Variants in TMEM108 observed in about 807,000 individuals in gnomAD.
TMEM108 encodes the protein cancer/testis antigen 124.
In TMEM108, 12 loss-of-function variants were observed where a neutral mutation model predicts 35.1. The observed-to-expected ratio is 0.34, with a 90% CI of 0.22 to 0.55. The LOEUF (loss-of-function observed/expected upper bound fraction) is 0.55, where lower values mean the gene tolerates loss of function less well. Among genes scored for constraint, TMEM108 ranks in the 20% least tolerant of loss-of-function variants. The pLI is 0.89. For missense variants in TMEM108, 680 were observed against 753.3 expected (o/e 0.90, Z 1.14); for synonymous variants, 287 against 308.6 (o/e 0.93, Z 0.73).
chr3:133,164,209 T>C (rs997486748), intron 2 of TMEM108, among the ~76,000 whole-genome samples: 2 of 152,224 alleles, frequency 1.3e-5, no homozygotes, highest in East Asian at 1.9e-4. Context: ...AGAATACTTT[T>C]ATTAATCTCA....
chr3:133,328,326 G>A (rs563563531), intron 3 of TMEM108, among the ~76,000 whole-genome samples: 13 of 152,292 alleles, frequency 8.5e-5, no homozygotes, highest in African/African-American at 2.2e-4. Flanking sequence ...ATGAGGTATC[G>A]TTGGAAAAAA....
chr3:133,341,371 A>G (rs565047517), intron 3 of TMEM108, among the ~76,000 whole-genome samples: 1 of 151,952 alleles, frequency 6.6e-6, no homozygotes, highest in African/African-American at 2.4e-5. Context: ...AAACTATAAA[A>G]CATTAATGCA....
intron 2 of TMEM108, among the ~76,000 whole-genome samples, chr3:133,208,970 G>A (rs113130056): frequency 0.015 from 2,347 of 152,192 alleles, 76 homozygotes; most frequent in African/African-American, 0.051. Context: ...GTGGATGTTC[G>A]TGTCATTTTA....
At chr3:133,218,483 T>A (rs1159743018) in intron 2 of TMEM108, among the ~76,000 whole-genome samples, 1 of 152,028 alleles carries the variant, frequency 6.6e-6, no homozygotes, top group Non-Finnish European at 1.5e-5. Context: ...GTTCCTGATC[T>A]TAAAGGAAAA....
chr3:133,369,560 G>T (rs549139643), intron 3 of TMEM108, among the ~76,000 whole-genome samples: 1 of 152,182 alleles, frequency 6.6e-6, no homozygotes, highest in Admixed American at 6.5e-5. Context: ...TGTTCAGGTT[G>T]TTGTCTCTCT....
At chr3:133,232,140 C>A (rs1199769558) in intron 3 of TMEM108, among the ~76,000 whole-genome samples, 2 of 152,112 alleles carry the variant, frequency 1.3e-5, no homozygotes, top group Non-Finnish European at 1.5e-5. Flanking sequence ...TAGATGAGTG[C>A]TGGGGTTTGG....
At chr3:133,181,703 G>A (rs1171797116) in intron 2 of TMEM108, among the ~76,000 whole-genome samples, 1 of 152,082 alleles carries the variant, frequency 6.6e-6, no homozygotes, top group African/African-American at 2.4e-5. Context: ...TTTAGCAGAC[G>A]AGATTCAGAA....
At chr3:133,096,923 G>A (rs1378244309) in intron 2 of TMEM108, among the ~76,000 whole-genome samples, 2 of 152,206 alleles carry the variant, frequency 1.3e-5, no homozygotes, top group Admixed American at 1.3e-4. Flanking sequence ...GCCCCAAGAG[G>A]AAATGTCTTG....
chr3:133,078,673 G>A (rs987254704), intron 2 of TMEM108, among the ~76,000 whole-genome samples: 3 of 152,192 alleles, frequency 2.0e-5, no homozygotes, highest in Non-Finnish European at 2.9e-5. Flanking sequence ...AAATTGAGAT[G>A]TTTAACTGGA....
intron 3 of TMEM108, among the ~76,000 whole-genome samples, chr3:133,248,774 G>A (rs1946422771): frequency 6.6e-6 from 1 of 152,146 alleles, no homozygotes. Context: ...TGGTTAGCAG[G>A]CTCTGGTTGT....
At chr3:133,265,903 T>G (rs73860873) in intron 3 of TMEM108, among the ~76,000 whole-genome samples, 237 of 152,356 alleles carry the variant, frequency 1.6e-3, no homozygotes, top group African/African-American at 5.0e-3. Context: ...TTAAAAAGTT[T>G]ACCAAAGATA....
intron 3 of TMEM108, among the ~76,000 whole-genome samples, chr3:133,342,555 T>TATATATATATATATATATATATATAC (rs60991711): frequency 0.035 from 2,212 of 62,768 alleles, 135 homozygotes; most frequent in Non-Finnish European, 0.049. Context: ...TATATATATA[T>TATATATATATATATATATATATATAC]ACACACACAC....
intron 3 of TMEM108, among the ~76,000 whole-genome samples, chr3:133,251,260 C>T (rs149709804): frequency 6.6e-6 from 1 of 152,256 alleles, no homozygotes; most frequent in East Asian, 1.9e-4. Flanking sequence ...TTAAAACAAA[C>T]AAAATTTTAA....
chr3:133,178,456 C>G (rs1407086276), intron 2 of TMEM108, among the ~76,000 whole-genome samples: 1 of 152,016 alleles, frequency 6.6e-6, no homozygotes, highest in Non-Finnish European at 1.5e-5. Context: ...GGTACCAAAA[C>G]AGAGATATAG....
intron 3 of TMEM108, among the ~76,000 whole-genome samples, chr3:133,345,008 A>C (rs1434412700): frequency 6.6e-6 from 1 of 151,936 alleles, no homozygotes; most frequent in Non-Finnish European, 1.5e-5. Flanking sequence ...TTAATGAACA[A>C]GCATTTCAGA....
intron 2 of TMEM108, among the ~76,000 whole-genome samples, chr3:133,073,510 C>CTCTCTCTCTCTCTCTCTCTCTCTATA: frequency 1.6e-4 from 7 of 43,906 alleles, no homozygotes; most frequent in African/African-American, 4.7e-4. Context: ...CTCTCTCTCT[C>CTCTCTCTCTCTCTCTCTCTCTCTATA]TATATATATA....
intron 3 of TMEM108, among the ~76,000 whole-genome samples, chr3:133,344,757 G>A (rs7616298): frequency 0.016 from 2,494 of 151,760 alleles, 55 homozygotes; most frequent in African/African-American, 0.056. Context: ...TATGAGAAAA[G>A]TATATTACAG....
chr3:133,163,557 C>T (rs1944992068), intron 2 of TMEM108, among the ~76,000 whole-genome samples: 1 of 152,064 alleles, frequency 6.6e-6, no homozygotes, highest in Non-Finnish European at 1.5e-5. Context: ...TCTTGTTTGC[C>T]CTAGCCAGGC....
At chr3:133,218,740 T>G (rs1945944971) in intron 2 of TMEM108, among the ~76,000 whole-genome samples, 1 of 152,106 alleles carries the variant, frequency 6.6e-6, no homozygotes. Flanking sequence ...CACTTAATCT[T>G]GGTGAATAAT....
Sources: allele counts gnomAD v4.1 joint callset (sites outside exome capture counted in the v4.1 genomes callset), GRCh38; gene constraint gnomAD v4.1.1; transcripts MANE v1.5; gene names NCBI Gene and HGNC (gene_info 2026-07-23, HGNC 2026-07-21).